Variants in CLSTN2 observed in about 807,000 individuals in gnomAD.
The protein encoded by CLSTN2 is calsyntenin-2.
Under a neutral mutation model 101.2 loss-of-function variants are expected in CLSTN2, and 48 were observed. The ratio of observed to expected loss-of-function variants is 0.47; its 90% confidence interval spans 0.38 to 0.60. CLSTN2 has a LOEUF of 0.60. Ranked by LOEUF, CLSTN2 falls within the 20% of genes least tolerant of loss-of-function variation. The pLI is 0.00. For synonymous variants in CLSTN2, 481 were observed against 463.6 expected (o/e 1.04, Z -0.48); for missense variants, 1,160 against 1,238.2 (o/e 0.94, Z 0.95).
At chr3:140,068,794 A>C (rs2008343660) in intron 1 of CLSTN2, among the ~76,000 whole-genome samples, 1 of 152,242 alleles carries the variant, frequency 6.6e-6, no homozygotes, top group Non-Finnish European at 1.5e-5. Context: ...CCATGGACAC[A>C]GTGGTAGAAA....
chr3:140,207,034 T>TTACTGTA (rs1349694550), intron 2 of CLSTN2, among the ~76,000 whole-genome samples: 1 of 152,176 alleles, frequency 6.6e-6, no homozygotes, highest in Non-Finnish European at 1.5e-5. Flanking sequence ...ATCCAGGTGC[T>TTACTGTA]TACTGTATAC....
chr3:139,969,159 T>C (rs1242488430), intron 1 of CLSTN2, among the ~76,000 whole-genome samples: 1 of 152,180 alleles, frequency 6.6e-6, no homozygotes, highest in East Asian at 1.9e-4. Flanking sequence ...CAGAGCTGTA[T>C]ACTAAGGCAT....
At chr3:139,938,918 A>T (rs1436698504) in intron 1 of CLSTN2, among the ~76,000 whole-genome samples, 1 of 148,122 alleles carries the variant, frequency 6.8e-6, no homozygotes, top group African/African-American at 2.5e-5. Context: ...ACCACCCTCC[A>T]CCCCTCCCAC....
chr3:140,556,526 C>A lies in CLSTN2; in HGVS notation c.1688C>A (p.Pro563His). ...LGQGIKYHFN[P>H]SQSILVMEGD... The stretch of plus-strand genomic sequence containing the variant: ...TTTGTCTTCCAGTATCACTTCAACC[C>A]CTCGCAGTCCATCCTGGTGATGGAA... The change falls in exon 11 of 17, where the codon CCC becomes CAC. Residue 563 changes from proline to histidine, a missense_variant. Physicochemically the swap from Pro to His is moderately conservative, Grantham distance 77. Transcript: ENST00000458420. The A allele has an allele frequency of 1.2e-6, 2 of 1,614,056 alleles. No homozygotes were observed. The highest frequency in any genetic ancestry group is 1.7e-6 in the Non-Finnish European group (2 of 1,179,946).
chr3:140,458,754 G>A (rs989078869), intron 6 of CLSTN2, among the ~76,000 whole-genome samples: 2 of 152,156 alleles, frequency 1.3e-5, no homozygotes, highest in African/African-American at 4.8e-5. Context: ...GCCATGCAGC[G>A]AGCATGCTAC....
intron 2 of CLSTN2, among the ~76,000 whole-genome samples, chr3:140,257,992 A>G (rs1438339440): frequency 6.6e-6 from 1 of 151,498 alleles, no homozygotes; most frequent in East Asian, 1.9e-4. Context: ...CTTTCCTTTC[A>G]TGAAATCCTG....
At chr3:140,053,677 G>A (rs1246400745) in intron 1 of CLSTN2, among the ~76,000 whole-genome samples, 1 of 152,044 alleles carries the variant, frequency 6.6e-6, no homozygotes, top group East Asian at 1.9e-4. Context: ...TCTTATTTCT[G>A]TCTTCTCTTC....
chr3:140,373,427 A>G (rs1175968087), intron 2 of CLSTN2, among the ~76,000 whole-genome samples: 1 of 152,202 alleles, frequency 6.6e-6, no homozygotes, highest in Non-Finnish European at 1.5e-5. Context: ...CTGGAAAATG[A>G]TCAGATTTCT....
intron 9 of CLSTN2, 85 bp downstream of exon 9, chr3:140,532,571 G>A (rs1435119976): frequency 4.8e-6 from 6 of 1,247,116 alleles, no homozygotes; most frequent in Non-Finnish European, 6.5e-6. Context: ...AAAGCAAGTG[G>A]TGTGAGAATA....
chr3:140,109,927 G>A (rs954934263), intron 1 of CLSTN2, among the ~76,000 whole-genome samples: 4 of 152,006 alleles, frequency 2.6e-5, no homozygotes, highest in Non-Finnish European at 4.4e-5. Context: ...AAAGAAATGT[G>A]TTAAAAGCAC....
At chr3:139,945,368 G>A (rs1216663381) in intron 1 of CLSTN2, among the ~76,000 whole-genome samples, 2 of 152,208 alleles carry the variant, frequency 1.3e-5, no homozygotes, top group African/African-American at 4.8e-5. Flanking sequence ...AATGGAAGTG[G>A]CTCTGTATGC....
chr3:140,380,179 C>T (rs2087963482), intron 2 of CLSTN2, among the ~76,000 whole-genome samples: 1 of 152,208 alleles, frequency 6.6e-6, no homozygotes, highest in African/African-American at 2.4e-5. Context: ...GCTCTGACAA[C>T]ACTGGGCTTG....
At chr3:140,174,692 C>T (rs901848081) in intron 1 of CLSTN2, among the ~76,000 whole-genome samples, 3 of 152,136 alleles carry the variant, frequency 2.0e-5, no homozygotes, top group African/African-American at 7.2e-5. Context: ...CCTGAGAAAA[C>T]CATCAGATCT....
chr3:140,327,741 G>T (rs563518337), intron 2 of CLSTN2, among the ~76,000 whole-genome samples: 6 of 152,186 alleles, frequency 3.9e-5, no homozygotes, highest in Non-Finnish European at 8.8e-5. Flanking sequence ...TTTTTGTGGG[G>T]ATTAAGTGAA....
intron 1 of CLSTN2, among the ~76,000 whole-genome samples, chr3:140,100,759 G>A (rs927822400): frequency 3.9e-5 from 6 of 152,202 alleles, no homozygotes; most frequent in Admixed American, 3.9e-4. Flanking sequence ...GTTCTAACAC[G>A]CCGGGAGACG....
intron 4 of CLSTN2, among the ~76,000 whole-genome samples, chr3:140,413,602 A>T (rs1314724060): frequency 1.3e-5 from 2 of 152,212 alleles, no homozygotes; most frequent in African/African-American, 4.8e-5. Flanking sequence ...TCAAGAAAAG[A>T]AAATTACAGG....
chr3:140,343,609 T>C (rs2087512746), intron 2 of CLSTN2, among the ~76,000 whole-genome samples: 2 of 152,268 alleles, frequency 1.3e-5, no homozygotes, highest in Non-Finnish European at 2.9e-5. Context: ...CTGGGCATTT[T>C]ATTGTACCCA....
At chr3:140,145,866 G>T (rs2107811405) in intron 1 of CLSTN2, among the ~76,000 whole-genome samples, 1 of 152,346 alleles carries the variant, frequency 6.6e-6, no homozygotes, top group Middle Eastern at 3.4e-3. Flanking sequence ...GGGACAGATG[G>T]CATTATAGAA....
At chr3:140,051,535 C>G (rs80093117) in intron 1 of CLSTN2, among the ~76,000 whole-genome samples, 1 of 152,100 alleles carries the variant, frequency 6.6e-6, no homozygotes, top group South Asian at 2.1e-4. Context: ...GCAATAGTGC[C>G]GTCTGCTGGC....
Sources: gnomAD v4.1 joint callset for allele counts (sites outside exome capture counted in the v4.1 genomes callset) on GRCh38, gnomAD v4.1.1 for gene constraint, MANE v1.5 for transcripts, NCBI Gene and HGNC (gene_info 2026-07-23, HGNC 2026-07-21) for gene names.